Variants in CADM2 observed in about 807,000 individuals in gnomAD.
The protein encoded by CADM2 is immunoglobulin superfamily member 4D.
A neutral mutation model predicts 49.8 loss-of-function variants in CADM2; 12 were observed. The observed-to-expected ratio is 0.24, with a 90% CI of 0.15 to 0.39. The LOEUF (loss-of-function observed/expected upper bound fraction) is 0.39, where lower values mean the gene tolerates loss of function less well. Ranked by LOEUF, CADM2 falls within the 10% of genes least tolerant of loss-of-function variation. The probability of loss-of-function intolerance (pLI) is 1.00; values close to 1 mark genes in which losing one functional copy is unlikely to be tolerated. For synonymous variants in CADM2, 214 were observed against 175.4 expected (o/e 1.22, Z -1.74); for missense variants, 378 against 492.3 (o/e 0.77, Z 2.20).
At chr3:85,687,370 G>A (rs946617203) in intron 1 of CADM2, among the ~76,000 whole-genome samples, 2 of 152,046 alleles carry the variant, frequency 1.3e-5, no homozygotes, top group Non-Finnish European at 2.9e-5. Flanking sequence ...ATTTAACTTT[G>A]TGTAAGTTAG....
intron 1 of CADM2, among the ~76,000 whole-genome samples, chr3:85,172,869 T>A (rs2040664897): frequency 6.8e-6 from 1 of 147,244 alleles, no homozygotes; most frequent in Admixed American, 6.9e-5. Flanking sequence ...TGTGATAATG[T>A]TATATATTAT....
At chr3:85,867,497 C>T (rs981148308) in intron 3 of CADM2, among the ~76,000 whole-genome samples, 1 of 151,862 alleles carries the variant, frequency 6.6e-6, no homozygotes, top group African/African-American at 2.4e-5. Flanking sequence ...ATGCTGTTGC[C>T]AGTCTCAAAA....
At chr3:85,479,437 T>G (rs937921586) in intron 1 of CADM2, among the ~76,000 whole-genome samples, 21 of 104,028 alleles carry the variant, frequency 2.0e-4, no homozygotes, top group Admixed American at 7.5e-4. Context: ...CAACAAACTT[T>G]AAAGATGGGT....
At chr3:85,769,985 A>T (rs1435513181) in intron 2 of CADM2, among the ~76,000 whole-genome samples, 3 of 148,948 alleles carry the variant, frequency 2.0e-5, no homozygotes, top group African/African-American at 7.6e-5. Context: ...TTTATATATG[A>T]TTCAAAAAAC....
intron 1 of CADM2, among the ~76,000 whole-genome samples, chr3:85,434,572 C>T (rs779449889): frequency 2.6e-5 from 4 of 152,000 alleles, no homozygotes; most frequent in Non-Finnish European, 5.9e-5. Flanking sequence ...ATTCCTATGA[C>T]GATTATTGAC....
At chr3:84,971,169 C>T (rs1268063363) in intron 1 of CADM2, among the ~76,000 whole-genome samples, 1 of 152,030 alleles carries the variant, frequency 6.6e-6, no homozygotes, top group Non-Finnish European at 1.5e-5. Context: ...TGTTACTTTA[C>T]ATGCAAAAGC....
chr3:85,541,783 A>G (rs2061553941), intron 1 of CADM2, among the ~76,000 whole-genome samples: 1 of 138,496 alleles, frequency 7.2e-6, no homozygotes, highest in African/African-American at 2.7e-5. Context: ...TTTTATATAT[A>G]TATATATATA....
intron 1 of CADM2, among the ~76,000 whole-genome samples, chr3:84,969,635 A>G (rs1053757305): frequency 6.6e-6 from 1 of 151,930 alleles, no homozygotes; most frequent in African/African-American, 2.4e-5. Context: ...AAATGCCAAT[A>G]CAGTACTCCA....
At chr3:85,084,637 G>C (rs919572216) in intron 1 of CADM2, among the ~76,000 whole-genome samples, 2 of 151,916 alleles carry the variant, frequency 1.3e-5, no homozygotes, top group Non-Finnish European at 2.9e-5. Flanking sequence ...TTCATAAGCT[G>C]GGTTAAATAA....
rs892213381 is a variant in CADM2 at position 85,845,744 on chromosome 3, C to T, written c.239-37547C>T. ...TATCATTAATCCTATATCCACAATA[C>T]GTGCCTTATAGAATACTACAACACT... On this transcript the variant is annotated intron_variant, in intron 3 of 9. Transcript: ENST00000383699. Among the ~76,000 whole-genome samples, 11 of 152,124 alleles carry T rather than the reference C, an allele frequency of 7.2e-5. No individual in the cohort carries two copies. The East Asian group carries it at 1.4e-3, about 19-fold the overall frequency.
intron 3 of CADM2, among the ~76,000 whole-genome samples, chr3:85,806,138 G>T (rs1425515380): frequency 7.2e-6 from 1 of 139,420 alleles, no homozygotes; most frequent in Non-Finnish European, 1.6e-5. Flanking sequence ...ATTGATAAAT[G>T]TTACTGAGCA....
chr3:85,183,125 T>G (rs2040975973), intron 1 of CADM2, among the ~76,000 whole-genome samples: 1 of 152,154 alleles, frequency 6.6e-6, no homozygotes, highest in South Asian at 2.1e-4. Context: ...CTCAAATTAA[T>G]ACTAAGCTTT....
intron 3 of CADM2, among the ~76,000 whole-genome samples, chr3:85,809,715 CCT>C (rs2072703372): frequency 2.0e-5 from 2 of 101,828 alleles, no homozygotes; most frequent in African/African-American, 7.9e-5. Context: ...TTCCTTCCTT[CCT>C]TCGTTCCTTC....
chr3:84,984,928 A>AAG (rs2032464215), intron 1 of CADM2, among the ~76,000 whole-genome samples: 1 of 152,200 alleles, frequency 6.6e-6, no homozygotes, highest in Admixed American at 6.5e-5. Flanking sequence ...CATATTTGGT[A>AAG]CCCAGAGCTT....
At chr3:85,846,615 C>T (rs759000832) in intron 3 of CADM2, among the ~76,000 whole-genome samples, 7 of 151,904 alleles carry the variant, frequency 4.6e-5, no homozygotes, top group Non-Finnish European at 1.0e-4. Flanking sequence ...ACCTGTAATC[C>T]CCACACTATG....
chr3:85,978,547 A>G (rs1293173731), intron 8 of CADM2, among the ~76,000 whole-genome samples: 3 of 151,602 alleles, frequency 2.0e-5, no homozygotes, highest in African/African-American at 7.3e-5. Flanking sequence ...CCAGTTAACC[A>G]GGGTAAGAAT....
chr3:85,724,819 T>A (rs1204611479), intron 1 of CADM2, among the ~76,000 whole-genome samples: 1 of 151,936 alleles, frequency 6.6e-6, no homozygotes, highest in Non-Finnish European at 1.5e-5. Context: ...TAATTTTTGA[T>A]ATATATCAAT....
intron 1 of CADM2, among the ~76,000 whole-genome samples, chr3:84,998,130 A>G (rs781665697): frequency 6.6e-6 from 1 of 152,118 alleles, no homozygotes; most frequent in South Asian, 2.1e-4. Context: ...GTTGTTTCCC[A>G]CGAGGGTTCA....
intron 1 of CADM2, among the ~76,000 whole-genome samples, chr3:85,143,694 C>T (rs2039646437): frequency 6.6e-6 from 1 of 152,160 alleles, no homozygotes; most frequent in Non-Finnish European, 1.5e-5. Context: ...CCTTCTAACT[C>T]CATGGTCTAA....
Sources: gnomAD v4.1 joint callset for allele counts (sites outside exome capture counted in the v4.1 genomes callset) on GRCh38, gnomAD v4.1.1 for gene constraint, MANE v1.5 for transcripts, NCBI Gene and HGNC (gene_info 2026-07-23, HGNC 2026-07-21) for gene names.